SLC25A30: variants seen among roughly 807,000 people sequenced by gnomAD.
The protein encoded by SLC25A30 is solute carrier family 25 member 30.
A neutral mutation model predicts 42.7 loss-of-function variants in SLC25A30; 29 were observed. The ratio of observed to expected loss-of-function variants is 0.68; its 90% confidence interval spans 0.51 to 0.93. SLC25A30 has a LOEUF of 0.93. SLC25A30 is among the 40% of genes least tolerant of loss of function. SLC25A30 has a pLI of 0.00. For synonymous variants in SLC25A30, 124 were observed against 131.0 expected (o/e 0.95, Z 0.37); for missense variants, 300 against 359.7 (o/e 0.83, Z 1.34).
chr13:45,422,491 CATT>C (rs1297642087), upstream of SLC25A30, among the ~76,000 whole-genome samples: 1 of 152,194 alleles, frequency 6.6e-6, no homozygotes, highest in East Asian at 1.9e-4. Context: ...AATTCTTTAT[CATT>C]ATATTTTATT....
At chr13:45,400,123 T>A (rs1183742333) in intron 7 of SLC25A30, among the ~76,000 whole-genome samples, 1 of 151,124 alleles carries the variant, frequency 6.6e-6, no homozygotes, top group Non-Finnish European at 1.5e-5. Context: ...TCTGCAGCTA[T>A]TAAAAATAAA....
the SLC25A30 span, among the ~76,000 whole-genome samples, chr13:45,429,171 C>T: frequency 2.7e-5 from 4 of 147,338 alleles, no homozygotes; most frequent in East Asian, 2.1e-4. Context: ...TGGGTTCCAG[C>T]GATTCTCAGG....
chr13:45,416,643 C>T (rs1437341882), intron 1 of SLC25A30, among the ~76,000 whole-genome samples: 2 of 151,914 alleles, frequency 1.3e-5, no homozygotes, highest in Admixed American at 6.6e-5. Flanking sequence ...TGGTGGTACG[C>T]GACTCTAGTC....
At chr13:45,423,469 C>G in the SLC25A30 span, among the ~76,000 whole-genome samples, 1 of 138,284 alleles carries the variant, frequency 7.2e-6, no homozygotes, top group African/African-American at 2.7e-5. Context: ...ACCAATTTAT[C>G]CAGTAGCCTG....
At chr13:45,400,025 TATATATATACACACAC>T (rs1566202403) in intron 7 of SLC25A30, among the ~76,000 whole-genome samples, 2 of 123,258 alleles carry the variant, frequency 1.6e-5, no homozygotes, top group Non-Finnish European at 1.7e-5. Flanking sequence ...TATATATATA[TATATATATACACACAC>T]ACACACACAC....
intron 5 of SLC25A30, 99 bp from the exon 6 acceptor site, chr13:45,402,469 T>C: frequency 5.2e-6 from 5 of 956,094 alleles, no homozygotes; most frequent in South Asian, 4.1e-5. Context: ...GTCAGTTGCT[T>C]AATAACCATT....
the SLC25A30 span, among the ~76,000 whole-genome samples, chr13:45,423,601 ATATAAATATATAT>A: frequency 6.5e-5 from 7 of 107,922 alleles, no homozygotes; most frequent in African/African-American, 2.3e-4. Context: ...ATATATATAT[ATATAAATATATAT>A]AAAATATATA....
chr13:45,394,156 G>C lies in SLC25A30; in HGVS notation c.*1818C>G. ...GCAGCAAGGCCTGAATGAGCTCTGG[G>C]GTCCTCTGCTGCCCTCTAGGGTTGC... On this transcript the variant is annotated 3_prime_UTR_variant, in exon 10 of 10. Coordinates refer to ENST00000519676, the MANE Select transcript of SLC25A30 (RefSeq NM_001010875.4). The C allele has an allele frequency of 1.0e-6, 1 of 985,310 alleles. No individual in the cohort carries two copies. Among genetic ancestry groups the C allele is most frequent in the Non-Finnish European group, 1.2e-6 (1 of 829,918 alleles). The allele number at this position is 985,310 out of a possible 1,614,324, so 61.0% of individuals were successfully genotyped here. A position where few individuals can be genotyped will look rare whatever the true frequency, so the allele number is the denominator to read the frequency against.
the SLC25A30 span, among the ~76,000 whole-genome samples, chr13:45,424,504 AAAATATATAT>A: frequency 2.7e-5 from 1 of 37,276 alleles, no homozygotes; most frequent in Non-Finnish European, 5.5e-5. Context: ...TAAATATATA[AAAATATATAT>A]AAATATATAA....
At chr13:45,411,530 G>C in intron 1 of SLC25A30, 50 bp from the exon 2 acceptor site, 2 of 1,166,948 alleles carry the variant, frequency 1.7e-6, no homozygotes, top group Non-Finnish European at 2.5e-6. Context: ...CACACAGGCA[G>C]TTTCTTCTCC....
upstream of SLC25A30, among the ~76,000 whole-genome samples, chr13:45,419,570 C>T (rs1292706960): frequency 1.3e-5 from 2 of 151,260 alleles, no homozygotes; most frequent in African/African-American, 4.8e-5. Flanking sequence ...CCGCCTGCCT[C>T]GGCCTCCCAA....
intron 2 of SLC25A30, among the ~76,000 whole-genome samples, chr13:45,410,187 G>A (rs146325323): frequency 1.5e-4 from 23 of 152,340 alleles, no homozygotes; most frequent in African/African-American, 5.5e-4. Flanking sequence ...GAACCCAACC[G>A]ATGAGGAAGT....
the SLC25A30 span, among the ~76,000 whole-genome samples, chr13:45,424,657 A>ATATATATAAATATATATAAC: frequency 9.4e-5 from 7 of 74,614 alleles, 1 homozygote; most frequent in African/African-American, 3.5e-4. Flanking sequence ...ATATATATAA[A>ATATATATAAATATATATAAC]TATATAGAAA....
chr13:45,425,116 T>TATATATACATATA, the SLC25A30 span, among the ~76,000 whole-genome samples: 2 of 15,870 alleles, frequency 1.3e-4, no homozygotes, highest in African/African-American at 3.0e-4. Flanking sequence ...ATAAATATAT[T>TATATATACATATA]TATAAATATA....
At chr13:45,400,338 C>T (rs1302402050) in intron 7 of SLC25A30, among the ~76,000 whole-genome samples, 1 of 151,888 alleles carries the variant, frequency 6.6e-6, no homozygotes, top group Non-Finnish European at 1.5e-5. Context: ...AGGAGGATCA[C>T]TTGAGCCCAG....
chr13:45,397,417 G>C (rs1881455577), intron 8 of SLC25A30, 79 bp from the exon 9 acceptor site: 1 of 1,045,486 alleles, frequency 9.6e-7, no homozygotes, highest in Admixed American at 1.9e-5. Context: ...GCCAGGCCAG[G>C]CGCGGTGGCT....
At position 45,393,711 on chromosome 13, in the gene SLC25A30, A is replaced by C. The variant is rs1021236254; in HGVS notation, c.*2263T>G. The stretch of plus-strand genomic sequence containing the variant: ...CTTGGTTAGAAGCTTCAACAATTGC[A>C]TTAACTCTTTCAAAAAAACAGAAAA... On this transcript the variant is annotated 3_prime_UTR_variant, in exon 10 of 10. Transcript: ENST00000519676. 2.0e-6 allele frequency: 2 copies of C among 985,326 alleles called. No individual in the cohort carries two copies. Among genetic ancestry groups the C allele is most frequent in the Non-Finnish European group, 2.4e-6 (2 of 829,934 alleles). 61.0% of individuals were successfully genotyped at this position (985,326 alleles called of 1,614,324 possible). A position where few individuals can be genotyped will look rare whatever the true frequency, so the allele number is the denominator to read the frequency against.
intron 5 of SLC25A30, among the ~76,000 whole-genome samples, chr13:45,403,807 G>A (rs1278989606): frequency 2.6e-5 from 4 of 151,904 alleles, no homozygotes; most frequent in Admixed American, 1.3e-4. Flanking sequence ...ACGGTGGCAG[G>A]TGCCTGTAAT....
chr13:45,416,015 G>T (rs983490287), intron 1 of SLC25A30, among the ~76,000 whole-genome samples: 1 of 150,858 alleles, frequency 6.6e-6, no homozygotes, highest in East Asian at 2.1e-4. Context: ...GGTTAGGCTG[G>T]TCTCGAACTC....
Sources: allele counts gnomAD v4.1 joint callset (sites outside exome capture counted in the v4.1 genomes callset), GRCh38; gene constraint gnomAD v4.1.1; transcripts MANE v1.5; gene names NCBI Gene and HGNC (gene_info 2026-07-23, HGNC 2026-07-21).